PCSK6: variants seen among roughly 807,000 people sequenced by gnomAD.
The protein encoded by PCSK6 is paired basic amino acid cleaving enzyme 4.
Under a neutral mutation model 123.3 loss-of-function variants are expected in PCSK6, and 85 were observed. The observed-to-expected ratio is 0.69, with a 90% CI of 0.58 to 0.83. The LOEUF is 0.83. PCSK6 is among the 40% of genes least tolerant of loss of function. The pLI is 0.00. For missense variants in PCSK6, 1,191 were observed against 1,282.3 expected (o/e 0.93, Z 1.09); for synonymous variants, 508 against 516.0 (o/e 0.98, Z 0.21).
chr15:101,381,839 A>G (rs985839853), intron 11 of PCSK6, among the ~76,000 whole-genome samples: 2 of 152,260 alleles, frequency 1.3e-5, no homozygotes, highest in Admixed American at 1.3e-4. Context: ...CAGGCTGAGG[A>G]ACTGATCCCC....
chr15:101,420,446 G>A (rs1172664232), intron 6 of PCSK6, among the ~76,000 whole-genome samples: 3 of 151,850 alleles, frequency 2.0e-5, no homozygotes, highest in Non-Finnish European at 2.9e-5. Flanking sequence ...CTGCGGCCTC[G>A]ACCTCCTAGG....
intron 2 of PCSK6, among the ~76,000 whole-genome samples, chr15:101,441,871 G>C (rs1395871100): frequency 6.6e-6 from 1 of 152,204 alleles, no homozygotes; most frequent in African/African-American, 2.4e-5. Context: ...TGCTTAAAGT[G>C]AAAGTGTGGA....
chr15:101,333,494 T>G (rs1200286026), intron 13 of PCSK6, among the ~76,000 whole-genome samples: 3 of 152,238 alleles, frequency 2.0e-5, no homozygotes, highest in Admixed American at 1.3e-4. Flanking sequence ...TGGGGTTTCT[T>G]GGCAATCAGA....
intron 13 of PCSK6, among the ~76,000 whole-genome samples, chr15:101,332,270 C>T (rs1467398591): frequency 2.0e-5 from 3 of 152,230 alleles, no homozygotes; most frequent in Non-Finnish European, 4.4e-5. Context: ...GAGCTGCCCT[C>T]CGCTTCCTGT....
At chr15:101,347,563 G>T in intron 13 of PCSK6, 1 of 1,415,148 alleles carries the variant, frequency 7.1e-7, no homozygotes. Flanking sequence ...GCACGCACAC[G>T]CATTCATGCA....
intron 5 of PCSK6, among the ~76,000 whole-genome samples, chr15:101,428,347 C>T (rs538692198): frequency 4.2e-4 from 64 of 152,330 alleles, no homozygotes; most frequent in Non-Finnish European, 5.9e-4. Context: ...GTGGGTGCTG[C>T]GCCACCTCGG....
intron 6 of PCSK6, among the ~76,000 whole-genome samples, chr15:101,424,412 A>G (rs2056186603): frequency 6.6e-6 from 1 of 152,238 alleles, no homozygotes; most frequent in Admixed American, 6.5e-5. Flanking sequence ...TGTTCAGCAT[A>G]ATTTCTTTTA....
chr15:101,315,148 A>G (rs994396124), intron 19 of PCSK6, among the ~76,000 whole-genome samples: 1 of 152,230 alleles, frequency 6.6e-6, no homozygotes, highest in Non-Finnish European at 1.5e-5. Context: ...TTCATGCTCA[A>G]TGTATTAAGC....
chr15:101,433,342 C>A (rs550878079), intron 2 of PCSK6, among the ~76,000 whole-genome samples: 12 of 152,224 alleles, frequency 7.9e-5, no homozygotes, highest in Non-Finnish European at 1.6e-4. Flanking sequence ...AAAACTTTTT[C>A]ATTTTAAAAG....
At chr15:101,377,578 CAGTA>C (rs2041787953) in intron 11 of PCSK6, among the ~76,000 whole-genome samples, 1 of 152,216 alleles carries the variant, frequency 6.6e-6, no homozygotes, top group Admixed American at 6.5e-5. Flanking sequence ...GCCTGGCACA[CAGTA>C]AGTGCCTTTA....
At chr15:101,381,213 A>C (rs2041902710) in intron 11 of PCSK6, among the ~76,000 whole-genome samples, 1 of 151,932 alleles carries the variant, frequency 6.6e-6, no homozygotes, top group Non-Finnish European at 1.5e-5. Context: ...AATACAAAAA[A>C]ACTAGCTGGG....
intron 13 of PCSK6, among the ~76,000 whole-genome samples, chr15:101,349,434 G>A (rs2040835075): frequency 6.6e-6 from 1 of 152,206 alleles, no homozygotes; most frequent in South Asian, 2.1e-4. Context: ...TGGATTCAGT[G>A]AATTCCAAAT....
chr15:101,444,753 C>T (rs1211528937), intron 1 of PCSK6, among the ~76,000 whole-genome samples: 2 of 152,168 alleles, frequency 1.3e-5, no homozygotes, highest in African/African-American at 4.8e-5. Flanking sequence ...CTAAAGCCTA[C>T]CCGACTCACA....
intron 6 of PCSK6, among the ~76,000 whole-genome samples, chr15:101,414,719 C>A (rs4965852): frequency 1 from 151,625 of 152,350 alleles, 75,452 homozygotes; most frequent in Middle Eastern, 1. Context: ...CAGCAAAAGG[C>A]AGGTAAAGAC....
chr15:101,382,121 CAT>C lies in PCSK6; in HGVS notation c.1501_1502del (p.Met501ValfsTer80). ...KKWTAVPSQH[M>X]CVAASDKRPR... ...GTCTCTTGTCCGAGGCGGCCACACA[CAT>C]GTGCTGCGATGGCACTGCTGTCCAC... On this transcript the variant is annotated frameshift_variant, in exon 11 of 22. Transcript: ENST00000611716. LOFTEE classifies it high-confidence loss of function. 6.2e-7 allele frequency: 1 copy of C among 1,611,310 alleles called. No homozygotes were observed. The highest frequency in any genetic ancestry group is 8.5e-7 in the Non-Finnish European group (1 of 1,178,806).
chr15:101,379,751 A>T (rs2041859114), intron 11 of PCSK6, among the ~76,000 whole-genome samples: 1 of 152,198 alleles, frequency 6.6e-6, no homozygotes, highest in East Asian at 1.9e-4. Context: ...ATTTTCGGCC[A>T]CGTGATCCTA....
intron 1 of PCSK6, among the ~76,000 whole-genome samples, chr15:101,474,075 C>A (rs181952379): frequency 7.2e-5 from 11 of 152,274 alleles, no homozygotes; most frequent in Non-Finnish European, 1.3e-4. Context: ...TGAGCTCAGT[C>A]ATAAATGGTT....
chr15:101,398,374 G>A lies in PCSK6; in HGVS notation c.996+30C>T, dbSNP rs555439548. On this transcript the variant is annotated intron_variant, in intron 7 of 21. Coordinates refer to ENST00000611716, the MANE Select transcript of PCSK6 (RefSeq NM_002570.5). This position sits in a 1 kb window ranked among gnomAD's most constrained non-coding sequence, Gnocchi z 4.6. The stretch of plus-strand genomic sequence containing the variant: ...TGTTTACTGTCACCCTTGTCCCAGA[G>A]CGCTCCCCTGTAGCCCTGGTTACTC... 118 of 1,582,680 alleles carry A rather than the reference G, an allele frequency of 7.5e-5. 3 individuals are homozygous for A. The South Asian group carries it at 9.5e-4, about 13-fold the overall frequency.
intron 19 of PCSK6, 119 bp from the exon 20 acceptor site, chr15:101,313,624 C>A: frequency 1.4e-6 from 2 of 1,431,638 alleles, no homozygotes; most frequent in South Asian, 2.8e-5. Context: ...AGGCCACCAC[C>A]ACAGCTGCCA....
Sources: gnomAD v4.1 joint callset for allele counts (sites outside exome capture counted in the v4.1 genomes callset) on GRCh38, gnomAD v4.1.1 for gene constraint, Gnocchi (gnomAD v3.1) non-coding constraint, MANE v1.5 for transcripts, NCBI Gene and HGNC (gene_info 2026-07-23, HGNC 2026-07-21) for gene names.